Variants in ROS1 observed in about 807,000 individuals in gnomAD.
The protein encoded by ROS1 is proto-oncogene tyrosine-protein kinase ROS.
A neutral mutation model predicts 273.5 loss-of-function variants in ROS1; 263 were observed. The ratio of observed to expected loss-of-function variants is 0.96; its 90% CI spans 0.87 to 1.06. The LOEUF (loss-of-function observed/expected upper bound fraction) is 1.06, where lower values mean the gene tolerates loss of function less well. Ranked by LOEUF, ROS1 falls within the 50% of genes least tolerant of loss-of-function variation. ROS1 has a pLI of 0.00. For missense variants in ROS1, 2,833 were observed against 2,751.1 expected (o/e 1.03, Z -0.67); for synonymous variants, 1,008 against 954.1 (o/e 1.06, Z -1.04).
At chr6:117,393,184 C>T (rs1199726297) in intron 12 of ROS1, 40 bp downstream of exon 12, 1 of 1,157,540 alleles carries the variant, frequency 8.6e-7, no homozygotes, top group Non-Finnish European at 1.3e-6. Context: ...TTATTTATTC[C>T]CAATGGAAGA....
Position 117,396,239 on chromosome 6 carries a change from C to A in ROS1, c.832G>T (p.Val278Phe). The A allele has an allele frequency of 6.2e-7, 1 of 1,613,572 alleles. No individual in the cohort carries two copies. The highest frequency in any genetic ancestry group is 1.3e-5 in the African/African-American group (1 of 75,010). Residue 278 changes from valine to phenylalanine, a missense_variant, in exon 9 of 44, where the codon GTT becomes TTT. Coordinates refer to ENST00000368507, the MANE Select transcript of ROS1 (RefSeq NM_001378902.1). ...YRFSIAAVNEVGEGPEAESSI... is the reference protein window; with the variant it reads ...YRFSIAAVNEFGEGPEAESSI... ...GATTCTGCTTCTGGACCCTCACCAA[C>A]TTCATTTACTGCTGCAATAGAAAAC...
At chr6:117,381,574 C>T (rs1772149464) in intron 17 of ROS1, among the ~76,000 whole-genome samples, 1 of 152,018 alleles carries the variant, frequency 6.6e-6, no homozygotes. Context: ...ATTATTTCCT[C>T]CTTTTTTTTA....
intron 27 of ROS1, 146 bp downstream of exon 27, chr6:117,352,844 G>T: frequency 1.5e-6 from 1 of 672,634 alleles, no homozygotes; most frequent in Non-Finnish European, 2.5e-6. Context: ...AGCAATCACA[G>T]TGCACACAGA....
chr6:117,398,678 CAAAA>C (rs58864302), intron 7 of ROS1, among the ~76,000 whole-genome samples: 1 of 59,428 alleles, frequency 1.7e-5, no homozygotes, highest in Non-Finnish European at 3.6e-5. Flanking sequence ...GACCTTGTCT[CAAAA>C]AAAAAAAAAA....
intron 19 of ROS1, 137 bp downstream of exon 19, chr6:117,365,939 G>A: frequency 1.1e-6 from 1 of 870,370 alleles, no homozygotes; most frequent in Non-Finnish European, 1.7e-6. Context: ...TAAACTCACT[G>A]CAAGCAAACC....
Position 117,394,621 on chromosome 6 carries a change from ATAT to A in ROS1, c.998_1000del (p.Asn333del). On this transcript the variant is annotated inframe_deletion, in exon 10 of 44. Coordinates refer to ENST00000368507, the MANE Select transcript of ROS1 (RefSeq NM_001378902.1). ...TTTATCCTTATCATACTGACCTGTAATATTATGGTATATAGCATCCAACCGAAG... is the reference window on the plus strand; with the variant it reads ...TTTATCCTTATCATACTGACCTGTAATATGGTATATAGCATCCAACCGAAG... 6.2e-7 allele frequency: 1 copy of A among 1,604,224 alleles called. No individual in the cohort carries two copies. Among genetic ancestry groups the A allele is most frequent in the Non-Finnish European group, 8.5e-7 (1 of 1,174,878 alleles).
At chr6:117,410,903 G>C (rs9398459) in intron 4 of ROS1, among the ~76,000 whole-genome samples, 24,128 of 152,058 alleles carry the variant, frequency 0.16, 2,021 homozygotes, top group South Asian at 0.2. Flanking sequence ...TATACGTTTC[G>C]CATCCTGTTT....
intron 24 of ROS1, among the ~76,000 whole-genome samples, 175 bp downstream of exon 24, chr6:117,359,634 G>A (rs772788432): frequency 6.6e-6 from 1 of 152,180 alleles, no homozygotes; most frequent in Non-Finnish European, 1.5e-5. Flanking sequence ...AGTGTTGAAT[G>A]ACATTTGCCC....
At chr6:117,402,888 C>CAAAAAA (rs10617636) in intron 7 of ROS1, among the ~76,000 whole-genome samples, 1 of 113,902 alleles carries the variant, frequency 8.8e-6, no homozygotes. Context: ...ACTCTGTCTC[C>CAAAAAA]AAAAAAAAAA....
intron 27 of ROS1, among the ~76,000 whole-genome samples, chr6:117,352,206 G>A (rs956936437): frequency 9.9e-5 from 15 of 152,184 alleles, no homozygotes; most frequent in South Asian, 2.1e-4. Flanking sequence ...TCAGCCTCCC[G>A]AGTAGCTGGG....
At chr6:117,328,264 G>A (rs1776790950) in intron 33 of ROS1, among the ~76,000 whole-genome samples, 1 of 152,094 alleles carries the variant, frequency 6.6e-6, no homozygotes, top group South Asian at 2.1e-4. Context: ...CCTGACAGTG[G>A]AGACCTGGAG....
intron 5 of ROS1, among the ~76,000 whole-genome samples, chr6:117,404,904 G>A (rs965528837): frequency 2.6e-5 from 4 of 152,138 alleles, no homozygotes; most frequent in African/African-American, 9.7e-5. Context: ...CAGAGCAATT[G>A]CCTTTACTCC....
intron 18 of ROS1, among the ~76,000 whole-genome samples, chr6:117,376,407 T>C (rs998852773): frequency 1.3e-5 from 2 of 152,130 alleles, no homozygotes; most frequent in Non-Finnish European, 2.9e-5. Context: ...AATTAGCTTG[T>C]GGACTTTATC....
chr6:117,352,472 TA>T (rs927339893), intron 27 of ROS1, among the ~76,000 whole-genome samples: 106 of 152,144 alleles, frequency 7.0e-4, no homozygotes, highest in African/African-American at 2.5e-3. Flanking sequence ...ACATTTTTTT[TA>T]AAAAAGATAA....
At chr6:117,317,777 T>C (rs147835216) in intron 38 of ROS1, among the ~76,000 whole-genome samples, 86 of 152,228 alleles carry the variant, frequency 5.6e-4, no homozygotes, top group Middle Eastern at 6.8e-3. Flanking sequence ...TGAGCAGTTT[T>C]TATGACCACA....
intron 33 of ROS1, chr6:117,328,880 A>T (rs982398549): frequency 4.9e-6 from 3 of 612,726 alleles, no homozygotes; most frequent in Non-Finnish European, 9.7e-6. Flanking sequence ...TCTACACTTC[A>T]GACCATTTCA....
At chr6:117,353,784 T>C (rs988637389) in intron 26 of ROS1, among the ~76,000 whole-genome samples, 1 of 152,190 alleles carries the variant, frequency 6.6e-6, no homozygotes, top group Non-Finnish European at 1.5e-5. Context: ...GGGATCTGGC[T>C]TAATAATAAT....
chr6:117,309,967 T>C (rs957068631), intron 41 of ROS1, 114 bp downstream of exon 41: 51 of 925,602 alleles, frequency 5.5e-5, no homozygotes, highest in Non-Finnish European at 7.7e-5. Flanking sequence ...AATCACTTAA[T>C]CTCTCTGGTC....
chr6:117,325,075 G>T (rs901308080), intron 34 of ROS1, among the ~76,000 whole-genome samples: 1 of 152,060 alleles, frequency 6.6e-6, no homozygotes, highest in African/African-American at 2.4e-5. Context: ...TTTACTATTT[G>T]GTTCTTTTCA....
Sources: allele counts gnomAD v4.1 joint callset (sites outside exome capture counted in the v4.1 genomes callset), GRCh38; gene constraint gnomAD v4.1.1; transcripts MANE v1.5; gene names NCBI Gene and HGNC (gene_info 2026-07-23, HGNC 2026-07-21).